The following EDNRB variants were observed in gnomAD, a reference collection of about 807,000 sequenced individuals.
EDNRB encodes endothelin receptor type B.
Under a neutral mutation model 46.4 loss-of-function variants are expected in EDNRB, and 18 were observed. The ratio of observed to expected loss-of-function variants is 0.39; its 90% CI spans 0.27 to 0.57. EDNRB has a LOEUF of 0.57. EDNRB is among the 20% of genes least tolerant of loss of function. EDNRB has a pLI of 0.61. For synonymous variants in EDNRB, 213 were observed against 204.9 expected (o/e 1.04, Z -0.34); for missense variants, 434 against 537.5 (o/e 0.81, Z 1.90).
intron 1 of EDNRB, among the ~76,000 whole-genome samples, chr13:77,948,428 G>A (rs746198928): frequency 1.7e-4 from 26 of 152,192 alleles, no homozygotes; most frequent in Non-Finnish European, 2.8e-4. Flanking sequence ...ACAGTGCAGT[G>A]CTTGGTACTA....
At chr13:77,899,198 G>A (rs1878796198) in intron 6 of EDNRB, among the ~76,000 whole-genome samples, 1 of 151,806 alleles carries the variant, frequency 6.6e-6, no homozygotes, top group Admixed American at 6.6e-5. Flanking sequence ...TGTTTACGCG[G>A]GAGCTACGTT....
At chr13:77,953,588 C>G (rs1204874721) in intron 1 of EDNRB, among the ~76,000 whole-genome samples, 1 of 151,974 alleles carries the variant, frequency 6.6e-6, no homozygotes, top group Non-Finnish European at 1.5e-5. Context: ...AATAAATAGT[C>G]TGGACTAAAC....
At chr13:77,910,086 A>C (rs1169861000) in intron 1 of EDNRB, among the ~76,000 whole-genome samples, 3 of 152,028 alleles carry the variant, frequency 2.0e-5, no homozygotes, top group African/African-American at 7.2e-5. Context: ...ATGGGAGTCT[A>C]TGAAGAGCTT....
chr13:77,934,884 G>A (rs141284643), intron 1 of EDNRB, among the ~76,000 whole-genome samples: 125 of 152,190 alleles, frequency 8.2e-4, no homozygotes, highest in African/African-American at 2.9e-3. Context: ...TAAATCAAGC[G>A]TGATCAGGTT....
At chr13:77,924,997 A>G (rs1038926681) in intron 1 of EDNRB, among the ~76,000 whole-genome samples, 2 of 152,180 alleles carry the variant, frequency 1.3e-5, no homozygotes, top group Admixed American at 6.5e-5. Context: ...ACCCTATCCC[A>G]GATATATGTT....
At chr13:77,971,164 A>T (rs4885500) in intron 1 of EDNRB, among the ~76,000 whole-genome samples, 288 of 152,172 alleles carry the variant, frequency 1.9e-3, no homozygotes, top group Middle Eastern at 3.4e-3. Context: ...GTTTAACTGG[A>T]CTCTCTGATA....
At chr13:77,966,155 C>T (rs751328728) in intron 1 of EDNRB, among the ~76,000 whole-genome samples, 17 of 152,070 alleles carry the variant, frequency 1.1e-4, no homozygotes, top group Admixed American at 4.6e-4. Flanking sequence ...TCCCAAAGTG[C>T]TGGGATTACA....
intron 1 of EDNRB, among the ~76,000 whole-genome samples, chr13:77,950,571 GCT>G (rs1182581074): frequency 1.3e-5 from 2 of 152,204 alleles, no homozygotes; most frequent in Non-Finnish European, 2.9e-5. Context: ...AGTATGTCTA[GCT>G]CTTTTTCTTC....
intron 1 of EDNRB, among the ~76,000 whole-genome samples, chr13:77,950,981 A>G (rs1881074242): frequency 6.6e-6 from 1 of 152,218 alleles, no homozygotes; most frequent in African/African-American, 2.4e-5. Context: ...TAAAAAGGAT[A>G]AGAGAGGTTT....
Position 77,903,201 on chromosome 13 carries a change from C to T in EDNRB, c.756G>A (p.Leu252=), listed in dbSNP as rs2137611015. 2 of 1,612,918 alleles carry T rather than the reference C, an allele frequency of 1.2e-6. No individual in the cohort carries two copies. Among genetic ancestry groups the T allele is most frequent in the Non-Finnish European group, 1.7e-6 (2 of 1,179,294 alleles). The change falls in exon 3 of 7, where the codon CTG becomes CTA. Residue 252 remains leucine (L), a synonymous_variant. Transcript: ENST00000646607. ...GAACGGGATGAAGCAAGCAGATTCG[C>T]AGATAACTTCCTTTGTAGTCCATCG... is the stretch of plus-strand genomic sequence containing the variant. The part of the protein sequence containing the change: ...IITMDYKGSY[L]RICLLHPVQK...
intron 1 of EDNRB, among the ~76,000 whole-genome samples, chr13:77,964,225 G>T (rs1443218303): frequency 1.3e-5 from 2 of 152,196 alleles, no homozygotes; most frequent in East Asian, 3.8e-4. Context: ...ACTCCTCAAG[G>T]ATCTAGAACT....
intron 1 of EDNRB, among the ~76,000 whole-genome samples, chr13:77,930,860 G>A (rs1027664019): frequency 6.6e-6 from 1 of 151,944 alleles, no homozygotes; most frequent in African/African-American, 2.4e-5. Flanking sequence ...ACGCACAGCT[G>A]GGTCTCGTTA....
chr13:77,955,937 T>C (rs954893783), intron 1 of EDNRB, among the ~76,000 whole-genome samples: 6 of 152,128 alleles, frequency 3.9e-5, no homozygotes, highest in Admixed American at 1.3e-4. Context: ...CAGTAGTTTT[T>C]AATATATTTT....
Position 77,895,896 on chromosome 13 carries a change from G to A in EDNRB, c.*2304C>T, listed in dbSNP as rs576649372. The A allele has an allele frequency of 6.5e-6, 1 of 152,722 alleles. No individual in the cohort carries two copies. Among genetic ancestry groups the A allele is most frequent in the Admixed American group, 6.6e-5 (1 of 15,242 alleles). 9.5% of individuals were successfully genotyped at this position (152,722 alleles called of 1,614,324 possible). ...GCAGTGGATAATAAGGGAGAAAATAGGTTAAAATCTTTTATAAATCTTTTG... is the reference window on the plus strand; with the variant it reads ...GCAGTGGATAATAAGGGAGAAAATAAGTTAAAATCTTTTATAAATCTTTTG... On this transcript the variant is annotated 3_prime_UTR_variant, in exon 7 of 7. Transcript: ENST00000646607.
intron 1 of EDNRB, among the ~76,000 whole-genome samples, chr13:77,911,661 TCTC>T (rs2137628721): frequency 6.6e-6 from 1 of 152,110 alleles, no homozygotes; most frequent in South Asian, 2.1e-4. Context: ...CTTCACGCCT[TCTC>T]CTCTCTCTCT....
intron 1 of EDNRB, among the ~76,000 whole-genome samples, chr13:77,967,296 T>C (rs1480144437): frequency 6.6e-6 from 1 of 152,150 alleles, no homozygotes; most frequent in Non-Finnish European, 1.5e-5. Context: ...AATAAACATC[T>C]TTTGCAGCCA....
upstream of EDNRB, chr13:77,919,032 C>T (rs1879973967): frequency 3.1e-6 from 2 of 636,292 alleles, no homozygotes; most frequent in African/African-American, 3.8e-5. Context: ...TTGTGTCAAG[C>T]TCTGCATTTT....
At chr13:77,899,205 C>T (rs943511967) in intron 6 of EDNRB, among the ~76,000 whole-genome samples, 47 of 151,868 alleles carry the variant, frequency 3.1e-4, no homozygotes, top group African/African-American at 8.9e-4. Context: ...GCGGGAGCTA[C>T]GTTCTTAGCT....
At chr13:77,966,409 T>C (rs1881583769) in intron 1 of EDNRB, among the ~76,000 whole-genome samples, 1 of 152,184 alleles carries the variant, frequency 6.6e-6, no homozygotes, top group South Asian at 2.1e-4. Context: ...CCACTACTTC[T>C]TTGTATTCCC....
Sources: gnomAD v4.1 joint callset for allele counts (sites outside exome capture counted in the v4.1 genomes callset) on GRCh38, gnomAD v4.1.1 for gene constraint, MANE v1.5 for transcripts, NCBI Gene and HGNC (gene_info 2026-07-23, HGNC 2026-07-21) for gene names.